Variants in ACAD10 observed in about 807,000 individuals in gnomAD.
ACAD10 encodes the protein acyl-CoA dehydrogenase family member 10.
Under a neutral mutation model 116.8 loss-of-function variants are expected in ACAD10, and 112 were observed. That is an observed-to-expected ratio of 0.96 (90% confidence interval 0.82 to 1.12). The LOEUF (loss-of-function observed/expected upper bound fraction) is 1.12. Among genes scored for constraint, ACAD10 ranks in the 50% most tolerant of loss-of-function variants. The probability of loss-of-function intolerance (pLI) is 0.00; values close to 1 mark genes in which losing one functional copy is unlikely to be tolerated. For missense variants in ACAD10, 1,259 were observed against 1,350.2 expected (o/e 0.93, Z 1.06); for synonymous variants, 486 against 510.6 (o/e 0.95, Z 0.65).
chr12:111,702,352 G>A, intron 3 of ACAD10, 42 bp downstream of exon 3: 2 of 1,601,568 alleles, frequency 1.2e-6, no homozygotes, highest in Admixed American at 1.8e-5. Flanking sequence ...TTTTCTTTTT[G>A]CCTTGAGTAG....
rs1566166314 is a variant in ACAD10 at position 111,744,828 on chromosome 12, A to G, written c.1900A>G (p.Arg634Gly). 1 of 1,614,112 alleles carries G rather than the reference A, an allele frequency of 6.2e-7. No individual in the cohort carries two copies. Among genetic ancestry groups the G allele is most frequent in the African/African-American group, 1.3e-5 (1 of 74,950 alleles). Residue 634 changes from arginine (R) to glycine (G), a missense_variant, in exon 13 of 21, where the codon AGG (arginine) becomes GGG (glycine). Arg to Gly is a moderately radical substitution (Grantham distance 125, BLOSUM62 -2). Coordinates refer to ENST00000313698, the MANE Select transcript of ACAD10 (RefSeq NM_025247.6). Reference protein sequence around the residue: ...PQSQWCPTGSRSYSSVPEASP... With the variant: ...PQSQWCPTGSGSYSSVPEASP... ...GTCCCAGTGGTGCCCCACAGGCAGC[A>G]GGAGTTATAGCTCCGTTCCAGAAGC...
At chr12:111,718,735 T>C (rs576759077) in intron 7 of ACAD10, among the ~76,000 whole-genome samples, 1 of 152,222 alleles carries the variant, frequency 6.6e-6, no homozygotes, top group African/African-American at 2.4e-5. Context: ...TGCCTTGGCT[T>C]CCCAAAGTGC....
chr12:111,749,998 C>T (rs1345885248), intron 18 of ACAD10, among the ~76,000 whole-genome samples: 1 of 151,598 alleles, frequency 6.6e-6, no homozygotes, highest in Non-Finnish European at 1.5e-5. Flanking sequence ...AGGTCTCGAT[C>T]CCTTGACCTC....
At position 111,736,934 on chromosome 12, in the gene ACAD10, C is replaced by T. The variant is rs1889583192; in HGVS notation, c.1644C>T (p.Asn548=). ...GGCTCCCTCCCACTGAGAACTGGAA[C>T]TTCTATATGGCTTTTTCCTTTTTCC... ...QMGLPPTENW[N]FYMAFSFFRV... The change falls in exon 12 of 21, where the codon AAC becomes AAT. Residue 548 remains asparagine, a synonymous_variant. Coordinates refer to ENST00000313698, the MANE Select transcript of ACAD10 (RefSeq NM_025247.6). 5.0e-6 allele frequency: 8 copies of T among 1,613,994 alleles called. No individual in the cohort carries two copies. The highest frequency in any genetic ancestry group is 5.9e-6 in the Non-Finnish European group (7 of 1,180,030).
At chr12:111,730,056 C>T in intron 10 of ACAD10, 100 bp downstream of exon 10, 1 of 1,457,848 alleles carries the variant, frequency 6.9e-7, no homozygotes, top group Non-Finnish European at 9.2e-7. Flanking sequence ...GGGAATTATT[C>T]CTATTACAAA....
At chr12:111,731,750 C>A (rs1243917285) in intron 10 of ACAD10, among the ~76,000 whole-genome samples, 1 of 152,096 alleles carries the variant, frequency 6.6e-6, no homozygotes, top group African/African-American at 2.4e-5. Context: ...AGTGAATCAG[C>A]GGTGGTGGGA....
At chr12:111,745,167 G>C (rs987841507) in intron 13 of ACAD10, 124 bp downstream of exon 13, 2 of 1,108,000 alleles carry the variant, frequency 1.8e-6, no homozygotes, top group Admixed American at 2.9e-5. Context: ...AATGATCTTT[G>C]CTTCCATCGT....
intron 1 of ACAD10, among the ~76,000 whole-genome samples, chr12:111,691,939 T>C (rs1374429286): frequency 2.6e-5 from 4 of 151,806 alleles, no homozygotes; most frequent in Non-Finnish European, 5.9e-5. Context: ...GAGATTTTAT[T>C]TTAAGGGCAA....
chr12:111,746,706 T>C (rs1419705181), intron 14 of ACAD10, among the ~76,000 whole-genome samples: 1 of 151,944 alleles, frequency 6.6e-6, no homozygotes, highest in Non-Finnish European at 1.5e-5. Context: ...GCTTGAAATA[T>C]TAATGTGAGA....
At chr12:111,727,905 T>TAAC in intron 8 of ACAD10, 57 bp from the exon 9 acceptor site, 1 of 1,527,154 alleles carries the variant, frequency 6.5e-7, no homozygotes, top group Non-Finnish European at 8.9e-7. Context: ...GGGTCATGAC[T>TAAC]AACAGCCTGC....
At chr12:111,719,844 C>T (rs1888966667) in intron 7 of ACAD10, among the ~76,000 whole-genome samples, 2 of 152,192 alleles carry the variant, frequency 1.3e-5, no homozygotes, top group East Asian at 3.8e-4. Context: ...TCTCCTGCCT[C>T]AGCCTCCCGA....
intron 2 of ACAD10, among the ~76,000 whole-genome samples, chr12:111,698,996 C>T (rs533381559): frequency 6.6e-6 from 1 of 152,088 alleles, no homozygotes; most frequent in African/African-American, 2.4e-5. Flanking sequence ...CCTCCCACCT[C>T]AGCCTCACAG....
intron 12 of ACAD10, among the ~76,000 whole-genome samples, chr12:111,740,762 G>A (rs1889713761): frequency 8.2e-6 from 1 of 121,728 alleles, no homozygotes; most frequent in African/African-American, 3.2e-5. Flanking sequence ...CCAGCCTGGT[G>A]ACAGAGCGAG....
At chr12:111,744,566 GAC>G in intron 12 of ACAD10, 75 bp from the exon 13 acceptor site, 1 of 1,524,208 alleles carries the variant, frequency 6.6e-7, no homozygotes, top group Non-Finnish European at 8.9e-7. Context: ...CTGCTGAAGT[GAC>G]AGTGTCATCA....
intron 2 of ACAD10, among the ~76,000 whole-genome samples, chr12:111,698,576 C>A (rs1055007309): frequency 6.6e-6 from 1 of 151,780 alleles, no homozygotes; most frequent in Non-Finnish European, 1.5e-5. Flanking sequence ...CTCCCAGGTT[C>A]AAGCGATTCT....
chr12:111,725,232 G>T (rs1279275921), intron 8 of ACAD10, among the ~76,000 whole-genome samples: 1 of 152,106 alleles, frequency 6.6e-6, no homozygotes, highest in East Asian at 1.9e-4. Flanking sequence ...CATTGACCGG[G>T]CATAGTGGCT....
intron 12 of ACAD10, among the ~76,000 whole-genome samples, chr12:111,740,034 A>G (rs776062393): frequency 1.6e-4 from 24 of 152,298 alleles, no homozygotes; most frequent in Non-Finnish European, 2.9e-4. Context: ...ATTTACTCCA[A>G]AAAATCCAGG....
At chr12:111,743,796 G>A (rs1352202487) in intron 12 of ACAD10, among the ~76,000 whole-genome samples, 1 of 151,678 alleles carries the variant, frequency 6.6e-6, no homozygotes, top group Non-Finnish European at 1.5e-5. Flanking sequence ...TCCCAGGCTG[G>A]AGTGCAATGG....
chr12:111,737,061 G>A, intron 12 of ACAD10, 57 bp downstream of exon 12: 1 of 1,565,858 alleles, frequency 6.4e-7, no homozygotes, highest in East Asian at 2.3e-5. Context: ...CAAGGACCGT[G>A]CCTCCACCTG....
Sources: gnomAD v4.1 joint callset for allele counts (sites outside exome capture counted in the v4.1 genomes callset) on GRCh38, gnomAD v4.1.1 for gene constraint, MANE v1.5 for transcripts, NCBI Gene and HGNC (gene_info 2026-07-23, HGNC 2026-07-21) for gene names.